XNDC1N: variants seen among roughly 807,000 people sequenced by gnomAD.
XNDC1N encodes protein XNDC1N.
chr11:71,885,538 G>A, the XNDC1N span, among the ~76,000 whole-genome samples: 1 of 152,040 alleles, frequency 6.6e-6, no homozygotes, highest in African/African-American at 2.4e-5. Flanking sequence ...CCACCCCTTG[G>A]AGATTATATT....
the XNDC1N span, chr11:71,919,070 A>C: frequency 1.3e-5 from 9 of 697,930 alleles, no homozygotes; most frequent in Admixed American, 1.6e-4. Flanking sequence ...CACTGCGCCC[A>C]AGGGAAAAAG....
chr11:71,893,034 T>C, the XNDC1N span, among the ~76,000 whole-genome samples: 1 of 152,218 alleles, frequency 6.6e-6, no homozygotes, highest in Non-Finnish European at 1.5e-5. Context: ...ATATTCTACA[T>C]CAATGGAAGT....
At chr11:71,926,162 C>A in the XNDC1N span, 11 of 152,050 alleles carry the variant, frequency 7.2e-5, no homozygotes, top group African/African-American at 2.4e-4. Flanking sequence ...CCAAGCTACT[C>A]AGGAGGCTGA....
At chr11:71,903,157 T>G in the XNDC1N span, 5 of 679,950 alleles carry the variant, frequency 7.4e-6, no homozygotes, top group East Asian at 1.4e-4. Flanking sequence ...TTCAACCCTC[T>G]TTTCCAGGCA....
At chr11:71,899,238 A>T in the XNDC1N span, among the ~76,000 whole-genome samples, 1 of 152,002 alleles carries the variant, frequency 6.6e-6, no homozygotes, top group Non-Finnish European at 1.5e-5. Flanking sequence ...CACTCCCGTC[A>T]CCTGTATCAC....
At chr11:71,876,132 G>A in the XNDC1N span, among the ~76,000 whole-genome samples, 2 of 152,218 alleles carry the variant, frequency 1.3e-5, no homozygotes, top group African/African-American at 4.8e-5. Context: ...AGGCAGGAAA[G>A]GAAGGTAAAC....
chr11:71,885,906 T>C, the XNDC1N span, among the ~76,000 whole-genome samples: 4,257 of 151,878 alleles, frequency 0.028, 70 homozygotes, highest in East Asian at 0.08. Flanking sequence ...AGTATAACTA[T>C]TTAATATTAA....
the XNDC1N span, among the ~76,000 whole-genome samples, chr11:71,890,622 T>C: frequency 6.6e-6 from 1 of 152,036 alleles, no homozygotes. Flanking sequence ...ACCTGCAATA[T>C]TGGCAATAAT....
chr11:71,915,837 G>C, the XNDC1N span, among the ~76,000 whole-genome samples: 1 of 152,180 alleles, frequency 6.6e-6, no homozygotes, highest in African/African-American at 2.4e-5. Flanking sequence ...TAGTCCAAAA[G>C]CTTTGTGTAT....
the XNDC1N span, chr11:71,893,538 G>C: frequency 8.2e-3 from 7,064 of 860,644 alleles, 33 homozygotes; most frequent in African/African-American, 0.1. Context: ...AACTGCAGCC[G>C]CTCCTCGCTT....
chr11:71,886,685 C>T, the XNDC1N span, among the ~76,000 whole-genome samples: 6 of 152,178 alleles, frequency 3.9e-5, no homozygotes, highest in African/African-American at 1.4e-4. Flanking sequence ...GCGCAGAAGA[C>T]ATGAGAAGAA....
chr11:71,912,373 G>A, the XNDC1N span, among the ~76,000 whole-genome samples: 61 of 152,258 alleles, frequency 4.0e-4, no homozygotes, highest in African/African-American at 1.4e-3. Context: ...ATCACAGAAG[G>A]GGTGTAGACA....
the XNDC1N span, among the ~76,000 whole-genome samples, chr11:71,899,760 G>A: frequency 4.6e-5 from 7 of 152,144 alleles, no homozygotes; most frequent in South Asian, 2.1e-4. Context: ...AAGTGGCCTC[G>A]TGGGAGGAGA....
chr11:71,885,761 TAA>T, the XNDC1N span, among the ~76,000 whole-genome samples: 1 of 150,180 alleles, frequency 6.7e-6, no homozygotes, highest in African/African-American at 2.5e-5. Flanking sequence ...TAATTGCTAA[TAA>T]AGTTTTCAGA....
At chr11:71,915,575 G>C in the XNDC1N span, among the ~76,000 whole-genome samples, 1 of 152,136 alleles carries the variant, frequency 6.6e-6, no homozygotes. Flanking sequence ...ACCAAACCTG[G>C]AACATCTCCA....
chr11:71,925,440 C>G, the XNDC1N span, among the ~76,000 whole-genome samples: 1 of 152,108 alleles, frequency 6.6e-6, no homozygotes, highest in East Asian at 1.9e-4. Flanking sequence ...ATCTAAACAT[C>G]AAGCAGTCCT....
chr11:71,920,914 G>A, the XNDC1N span, among the ~76,000 whole-genome samples: 3 of 152,220 alleles, frequency 2.0e-5, no homozygotes, highest in Non-Finnish European at 4.4e-5. Flanking sequence ...GCGGTCAGCC[G>A]AGACTGCACC....
the XNDC1N span, among the ~76,000 whole-genome samples, chr11:71,921,310 A>G: frequency 9.2e-4 from 140 of 152,180 alleles, no homozygotes; most frequent in African/African-American, 2.9e-3. Flanking sequence ...GTGCCACCAC[A>G]CCCAACTAAC....
the XNDC1N span, among the ~76,000 whole-genome samples, chr11:71,892,676 C>T: frequency 2.6e-5 from 4 of 151,358 alleles, no homozygotes; most frequent in Non-Finnish European, 5.9e-5. Context: ...CCACCATGCC[C>T]GGCTAATTTT....
Sources: allele counts gnomAD v4.1 joint callset (sites outside exome capture counted in the v4.1 genomes callset), GRCh38; gene constraint gnomAD v4.1.1; transcripts MANE v1.5; gene names NCBI Gene and HGNC (gene_info 2026-07-23, HGNC 2026-07-21).